GPC5: variants seen among roughly 807,000 people sequenced by gnomAD.
GPC5 encodes the protein glypican-5.
In GPC5, 47 loss-of-function variants were observed where a neutral mutation model predicts 53.9. The observed-to-expected ratio is 0.87, with a 90% CI of 0.69 to 1.11. GPC5 has a LOEUF of 1.11. Among genes scored for constraint, GPC5 ranks in the 50% most tolerant of loss-of-function variants. The probability of loss-of-function intolerance (pLI) is 0.00; values close to 1 mark genes in which losing one functional copy is unlikely to be tolerated. For synonymous variants in GPC5, 286 were observed against 263.3 expected (o/e 1.09, Z -0.84); for missense variants, 748 against 713.1 (o/e 1.05, Z -0.56).
At chr13:92,239,025 G>T in intron 7 of GPC5, among the ~76,000 whole-genome samples, 1 of 151,128 alleles carries the variant, frequency 6.6e-6, no homozygotes. Flanking sequence ...AATTATCTTA[G>T]CACCTTGTTG....
chr13:92,809,622 A>G (rs753113467), intron 7 of GPC5, among the ~76,000 whole-genome samples: 6 of 152,146 alleles, frequency 3.9e-5, no homozygotes, highest in Non-Finnish European at 1.5e-5. Flanking sequence ...TAAAATTTGT[A>G]ATTGTTTTCT....
At chr13:92,137,687 G>C (rs1258690883) in intron 6 of GPC5, among the ~76,000 whole-genome samples, 2 of 152,102 alleles carry the variant, frequency 1.3e-5, no homozygotes, top group Non-Finnish European at 2.9e-5. Context: ...GTGCAGTGAT[G>C]CAATCATGGT....
In GPC5 at chr13:91,675,144, T is replaced by TA. The variant is rs1025126395; in HGVS notation, c.326-18033dup. On this transcript the variant is annotated intron_variant, in intron 2 of 7. Coordinates refer to ENST00000377067, the MANE Select transcript of GPC5 (RefSeq NM_004466.6). ...CCCTAGGGCACTATTTTGGTTACAT[T>TA]AAAAAAAAAACTCAGGGGAAAAAAA... 2.4e-3 allele frequency among the ~76,000 whole-genome samples: 336 copies of TA among 139,110 alleles called. 1 individual carries two copies. Among genetic ancestry groups the TA allele is most frequent in the African/African-American group, 8.4e-3 (294 of 35,178 alleles). 91.3% of individuals were successfully genotyped at this position (139,110 alleles called of 152,430 possible).
chr13:91,407,912 A>G (rs1344525809), intron 1 of GPC5, among the ~76,000 whole-genome samples: 1 of 152,204 alleles, frequency 6.6e-6, no homozygotes, highest in South Asian at 2.1e-4. Flanking sequence ...TTTTTAAAAA[A>G]TTTATTTTAA....
intron 4 of GPC5, among the ~76,000 whole-genome samples, chr13:91,747,901 T>C (rs946614095): frequency 2.0e-5 from 3 of 152,192 alleles, no homozygotes; most frequent in Admixed American, 2.0e-4. Flanking sequence ...TCTTTTTATT[T>C]CTCTCATTTC....
chr13:91,482,644 C>A (rs1883368725), intron 2 of GPC5, among the ~76,000 whole-genome samples: 1 of 152,186 alleles, frequency 6.6e-6, no homozygotes, highest in African/African-American at 2.4e-5. Context: ...AGTGCCTTAG[C>A]TGATTTGACC....
At chr13:92,383,787 A>C (rs956715796) in intron 7 of GPC5, among the ~76,000 whole-genome samples, 2 of 152,136 alleles carry the variant, frequency 1.3e-5, no homozygotes, top group Non-Finnish European at 2.9e-5. Context: ...TTAACTTAAA[A>C]TTTTTTTCTA....
intron 7 of GPC5, among the ~76,000 whole-genome samples, chr13:92,277,509 C>T (rs2042884375): frequency 1.3e-5 from 2 of 151,846 alleles, no homozygotes; most frequent in South Asian, 4.1e-4. Context: ...TTATTTTACC[C>T]AAGTGCAGAA....
At chr13:92,414,225 C>T (rs954882750) in intron 7 of GPC5, among the ~76,000 whole-genome samples, 7 of 152,112 alleles carry the variant, frequency 4.6e-5, no homozygotes, top group Non-Finnish European at 8.8e-5. Context: ...ATTCTTTGGG[C>T]TGGGTGCAGT....
intron 7 of GPC5, among the ~76,000 whole-genome samples, chr13:92,171,534 C>T (rs1313119883): frequency 1.3e-5 from 2 of 152,154 alleles, no homozygotes; most frequent in Non-Finnish European, 2.9e-5. Flanking sequence ...TTCCCCTTCT[C>T]AACTAAAAAT....
intron 7 of GPC5, among the ~76,000 whole-genome samples, chr13:92,525,437 A>AGTGTGTGTGTGTGTGTGTGTGTGT (rs34946580): frequency 1.3e-4 from 18 of 136,678 alleles, no homozygotes; most frequent in Non-Finnish European, 2.4e-4. Flanking sequence ...GATAGATTCA[A>AGTGTGTGTGTGTGTGTGTGTGTGT]GTGTGTGTGT....
At chr13:92,566,002 AAC>A (rs1393941913) in intron 7 of GPC5, among the ~76,000 whole-genome samples, 5 of 152,102 alleles carry the variant, frequency 3.3e-5, no homozygotes, top group African/African-American at 1.2e-4. Context: ...TATTTTTGTC[AAC>A]AGTCATTTTA....
intron 7 of GPC5, among the ~76,000 whole-genome samples, chr13:92,291,937 A>G (rs143666393): frequency 3.9e-4 from 60 of 152,302 alleles, no homozygotes; most frequent in South Asian, 1.5e-3. Context: ...ACATCCAAAC[A>G]TCAGAAAGAA....
chr13:91,596,737 T>A (rs750541077), intron 2 of GPC5, among the ~76,000 whole-genome samples: 5 of 152,194 alleles, frequency 3.3e-5, no homozygotes, highest in African/African-American at 1.2e-4. Context: ...GACCCTTCTG[T>A]GTACTCTCTC....
chr13:91,428,613 G>C (rs1188819951), intron 1 of GPC5, among the ~76,000 whole-genome samples: 1 of 152,086 alleles, frequency 6.6e-6, no homozygotes, highest in Non-Finnish European at 1.5e-5. Flanking sequence ...GTTTCACTGG[G>C]GACCTGTCCC....
Position 92,724,912 on chromosome 13 carries a change from A to AC in GPC5, c.1562-141370_1562-141369insC, listed in dbSNP as rs1555306824. 5.8e-3 allele frequency among the ~76,000 whole-genome samples: 718 copies of AC among 124,784 alleles called. 5 individuals carry two copies. The highest frequency in any genetic ancestry group is 9.3e-3 in the Non-Finnish European group (533 of 57,248). The allele number at this position is 124,784 out of a possible 152,430, so 81.9% of individuals were successfully genotyped here. A position where few individuals can be genotyped will look rare whatever the true frequency, so the allele number is the denominator to read the frequency against. On this transcript the variant is annotated intron_variant, in intron 7 of 7. Coordinates refer to ENST00000377067, the MANE Select transcript of GPC5 (RefSeq NM_004466.6). Reference sequence around the variant, plus strand: ...CACACACACACACACACACACACACAAGAAAGAAAAAACAAGAGAGTAGCT... The same window carrying AC: ...CACACACACACACACACACACACACACAGAAAGAAAAAACAAGAGAGTAGCT...
At chr13:91,407,346 CCAGA>C (rs1398727643) in intron 1 of GPC5, among the ~76,000 whole-genome samples, 5 of 152,014 alleles carry the variant, frequency 3.3e-5, no homozygotes, top group Non-Finnish European at 1.5e-5. Flanking sequence ...AAATGAGTTG[CCAGA>C]CAAAGGTTTA....
intron 2 of GPC5, among the ~76,000 whole-genome samples, chr13:91,602,605 T>A (rs1594316285): frequency 6.6e-6 from 1 of 152,206 alleles, no homozygotes; most frequent in African/African-American, 2.4e-5. Context: ...TTTATAGCAT[T>A]TGTATTATGA....
chr13:92,317,910 C>A (rs755537870), intron 7 of GPC5, among the ~76,000 whole-genome samples: 7 of 152,126 alleles, frequency 4.6e-5, no homozygotes, highest in Non-Finnish European at 8.8e-5. Context: ...TTAAGCATTT[C>A]AAGTTTAACA....
Sources: gnomAD v4.1 joint callset for allele counts (sites outside exome capture counted in the v4.1 genomes callset) on GRCh38, gnomAD v4.1.1 for gene constraint, MANE v1.5 for transcripts, NCBI Gene and HGNC (gene_info 2026-07-23, HGNC 2026-07-21) for gene names.